AIG1: variants seen among roughly 807,000 people sequenced by gnomAD.
AIG1 encodes androgen induced 1.
In AIG1, 23 loss-of-function variants were observed where a neutral mutation model predicts 31.4. The observed-to-expected ratio is 0.73, with a 90% CI of 0.53 to 1.04. The LOEUF (loss-of-function observed/expected upper bound fraction) is 1.04. AIG1 is among the 50% of genes least tolerant of loss of function. The pLI, the probability that AIG1 is intolerant of heterozygous loss-of-function variation, is 0.00. For missense variants in AIG1, 274 were observed against 295.0 expected (o/e 0.93, Z 0.52); for synonymous variants, 100 against 110.5 (o/e 0.90, Z 0.60).
chr6:143,162,786 C>T (rs577322371), intron 2 of AIG1, among the ~76,000 whole-genome samples: 6 of 152,272 alleles, frequency 3.9e-5, no homozygotes, highest in African/African-American at 1.2e-4. Context: ...AGTCTACCTT[C>T]GGGGTCAGAC....
At chr6:143,277,549 T>A (rs569408165) in intron 3 of AIG1, among the ~76,000 whole-genome samples, 2 of 152,344 alleles carry the variant, frequency 1.3e-5, no homozygotes, top group Admixed American at 6.5e-5. Context: ...GATCCAAAGT[T>A]GTCATTGGGT....
intron 3 of AIG1, among the ~76,000 whole-genome samples, chr6:143,266,164 A>G (rs991826643): frequency 6.6e-5 from 10 of 152,178 alleles, no homozygotes; most frequent in Admixed American, 2.6e-4. Context: ...CCTGGCCAAC[A>G]TGGTGAAACC....
At chr6:143,117,993 G>A (rs1202534917) in intron 1 of AIG1, among the ~76,000 whole-genome samples, 1 of 152,086 alleles carries the variant, frequency 6.6e-6, no homozygotes, top group Non-Finnish European at 1.5e-5. Flanking sequence ...ACTGGAGTTG[G>A]GCATAGGCAG....
At chr6:143,232,819 T>C (rs1486083099) in intron 3 of AIG1, among the ~76,000 whole-genome samples, 1 of 152,204 alleles carries the variant, frequency 6.6e-6, no homozygotes, top group Non-Finnish European at 1.5e-5. Flanking sequence ...CATGGCACCA[T>C]ATTAGCTCCA....
chr6:143,139,644 T>C (rs551909859), intron 2 of AIG1, among the ~76,000 whole-genome samples: 79 of 152,300 alleles, frequency 5.2e-4, no homozygotes, highest in Non-Finnish European at 1.0e-3. Context: ...TTTTAAATGT[T>C]CCTTTCAAAG....
At chr6:143,208,883 G>T (rs976198847) in intron 3 of AIG1, among the ~76,000 whole-genome samples, 2 of 152,070 alleles carry the variant, frequency 1.3e-5, no homozygotes, top group Non-Finnish European at 2.9e-5. Context: ...GAAGGTGGTG[G>T]AGTGCTCAGG....
At chr6:143,124,208 C>T (rs1782475302) in intron 1 of AIG1, among the ~76,000 whole-genome samples, 1 of 152,194 alleles carries the variant, frequency 6.6e-6, no homozygotes, top group South Asian at 2.1e-4. Flanking sequence ...CACAGAAAGG[C>T]CGATGTTGAG....
Position 143,339,659 on chromosome 6 carries a change from A to G in AIG1, c.700A>G (p.Lys234Glu). The G allele has an allele frequency of 6.2e-7, 1 of 1,613,356 alleles. No homozygotes were observed. Among genetic ancestry groups the G allele is most frequent in the East Asian group, 2.2e-5 (1 of 44,764 alleles). ...TCTAGGTATGGAAGAAGAGAAAGAA[A>G]AGCCTAAATTGGAATGAGATCCAAG... ...TQKSMEEEKE[K>E]PKLE Residue 234 changes from lysine (K) to glutamate (E), a missense_variant, in exon 6 of 6, where the codon AAG (lysine) becomes GAG (glutamate). Lys to Glu is a moderately conservative substitution (Grantham distance 56). Coordinates refer to ENST00000357847, the MANE Select transcript of AIG1 (RefSeq NM_016108.4).
intron 3 of AIG1, among the ~76,000 whole-genome samples, chr6:143,186,141 C>T (rs2128591027): frequency 6.6e-6 from 1 of 152,336 alleles, no homozygotes; most frequent in African/African-American, 2.4e-5. Flanking sequence ...CTATCTGTAC[C>T]TGTGTGCCGT....
intron 4 of AIG1, among the ~76,000 whole-genome samples, chr6:143,304,730 G>T (rs1374661249): frequency 6.6e-6 from 1 of 151,470 alleles, no homozygotes; most frequent in Non-Finnish European, 1.5e-5. Context: ...TCAGAATGAT[G>T]CTGGCCTCAT....
intron 4 of AIG1, among the ~76,000 whole-genome samples, chr6:143,322,238 C>T (rs1374983817): frequency 5.9e-5 from 9 of 152,048 alleles, no homozygotes; most frequent in African/African-American, 1.4e-4. Flanking sequence ...GTTTGCAGTA[C>T]CAAAAATAAG....
chr6:143,295,049 C>T (rs1798325827), intron 4 of AIG1, among the ~76,000 whole-genome samples: 1 of 152,158 alleles, frequency 6.6e-6, no homozygotes, highest in South Asian at 2.1e-4. Context: ...AACCTCATGC[C>T]ATGCCAGATG....
intron 3 of AIG1, among the ~76,000 whole-genome samples, chr6:143,221,127 T>C (rs1173904483): frequency 1.3e-5 from 2 of 152,212 alleles, no homozygotes; most frequent in Admixed American, 1.3e-4. Flanking sequence ...AGTTTCATCT[T>C]AATTAATAGT....
chr6:143,303,922 T>C (rs1467049417), intron 4 of AIG1, among the ~76,000 whole-genome samples: 2 of 148,654 alleles, frequency 1.3e-5, no homozygotes. Context: ...TTTGTAGTTC[T>C]CCTTGAAGAG....
chr6:143,304,709 A>C (rs976519225), intron 4 of AIG1, among the ~76,000 whole-genome samples: 2 of 151,162 alleles, frequency 1.3e-5, no homozygotes, highest in Admixed American at 6.6e-5. Context: ...TGTCTCTGCC[A>C]GGCTTTGGTA....
intron 1 of AIG1, among the ~76,000 whole-genome samples, chr6:143,117,372 A>T (rs1282371892): frequency 1.3e-5 from 2 of 152,184 alleles, no homozygotes; most frequent in East Asian, 3.8e-4. Flanking sequence ...GGAGATGTGG[A>T]CCAATGAGAT....
At chr6:143,064,312 A>C (rs1432519417) in intron 1 of AIG1, among the ~76,000 whole-genome samples, 1 of 152,240 alleles carries the variant, frequency 6.6e-6, no homozygotes, top group Non-Finnish European at 1.5e-5. Context: ...TTGGAGGAAG[A>C]TGTGACTGGA....
intron 4 of AIG1, among the ~76,000 whole-genome samples, chr6:143,321,546 C>T (rs1170738261): frequency 6.6e-6 from 1 of 151,458 alleles, no homozygotes; most frequent in Non-Finnish European, 1.5e-5. Context: ...TGCAGTGAGC[C>T]GAGGTCACTT....
chr6:143,316,618 C>T lies in AIG1; in HGVS notation c.516-16664C>T, dbSNP rs142545307. The stretch of plus-strand genomic sequence containing the variant: ...CTAGAGAAAGAAGAACAAACCAACC[C>T]AAACCCGGCACAAGAAAAGAAGTAA... On this transcript the variant is annotated intron_variant, in intron 4 of 5. Transcript: ENST00000357847. 5.0e-3 allele frequency among the ~76,000 whole-genome samples: 754 copies of T among 151,922 alleles called. 3 individuals carry two copies. Among genetic ancestry groups the T allele is most frequent in the African/African-American group, 0.018 (727 of 41,426 alleles).
Sources: allele counts gnomAD v4.1 joint callset (sites outside exome capture counted in the v4.1 genomes callset), GRCh38; gene constraint gnomAD v4.1.1; transcripts MANE v1.5; gene names NCBI Gene and HGNC (gene_info 2026-07-23, HGNC 2026-07-21).